The following C3orf70 variants were observed in gnomAD, a reference collection of about 807,000 sequenced individuals.
The protein encoded by C3orf70 is chromosome 3 open reading frame 70.
A neutral mutation model predicts 20.7 loss-of-function variants in C3orf70; 15 were observed. The ratio of observed to expected loss-of-function variants is 0.72; its 90% CI spans 0.48 to 1.11. The LOEUF is 1.11. C3orf70 is among the 50% of genes most tolerant of loss of function. The probability of loss-of-function intolerance (pLI) is 0.00; values close to 1 mark genes in which losing one functional copy is unlikely to be tolerated. For missense variants in C3orf70, 332 were observed against 317.6 expected, an observed-to-expected ratio of 1.05 and a Z score of -0.34; for synonymous variants, 161 against 125.7, an observed-to-expected ratio of 1.28 and a Z score of -1.88.
At chr3:185,119,746 C>T (rs1005260917) in intron 1 of C3orf70, among the ~76,000 whole-genome samples, 10 of 151,796 alleles carry the variant, frequency 6.6e-5, no homozygotes, top group Non-Finnish European at 2.9e-5. Context: ...TGAAAAAGGG[C>T]TGGGTGCGGT....
intron 1 of C3orf70, among the ~76,000 whole-genome samples, chr3:185,101,018 C>T (rs1424253297): frequency 1.3e-5 from 2 of 151,952 alleles, no homozygotes; most frequent in Non-Finnish European, 2.9e-5. Flanking sequence ...TAGTAACAAG[C>T]TCTGAAATTT....
At position 185,082,262 on chromosome 3, in the gene C3orf70, A is replaced by G. The variant is rs1038404698; in HGVS notation, c.*745T>C. On this transcript the variant is annotated 3_prime_UTR_variant, in exon 2 of 2. Coordinates refer to ENST00000335012, the MANE Select transcript of C3orf70 (RefSeq NM_001025266.3). ...CATATATAGGACTGTGGGCCCCTTC[A>G]TGGTGGGAATCAGGTCTTATTCATG... 1 of 152,176 alleles carries G rather than the reference A, an allele frequency of 6.6e-6. No homozygotes were observed. The highest frequency in any genetic ancestry group is 1.5e-5 in the Non-Finnish European group (1 of 68,060). 9.4% of individuals were successfully genotyped at this position (152,176 alleles called of 1,614,324 possible). A position where few individuals can be genotyped will look rare whatever the true frequency, so the allele number is the denominator to read the frequency against.
intron 1 of C3orf70, among the ~76,000 whole-genome samples, chr3:185,087,053 T>C (rs924482843): frequency 2.6e-5 from 4 of 150,962 alleles, no homozygotes; most frequent in Non-Finnish European, 5.9e-5. Flanking sequence ...TCCTGAATTA[T>C]CAGATTCAAT....
chr3:185,123,977 T>C (rs1468525621), intron 1 of C3orf70, among the ~76,000 whole-genome samples: 1 of 152,236 alleles, frequency 6.6e-6, no homozygotes, highest in East Asian at 1.9e-4. Flanking sequence ...TCAACAACTG[T>C]AGACTGAAAA....
chr3:185,095,224 G>A (rs1468097708), intron 1 of C3orf70, among the ~76,000 whole-genome samples: 3 of 152,186 alleles, frequency 2.0e-5, no homozygotes, highest in Admixed American at 6.5e-5. Context: ...TCACTAGTGC[G>A]TGGGTTGAGT....
At position 185,077,583 on chromosome 3, in the gene C3orf70, GTTCTT is replaced by G. The variant is rs1001744780; in HGVS notation, c.*5419_*5423del. 2.0e-5 allele frequency among the ~76,000 whole-genome samples: 3 copies of G among 152,114 alleles called. No individual in the cohort carries two copies. The highest frequency in any genetic ancestry group is 7.2e-5 in the African/African-American group (3 of 41,412). ...TCAATAGACTCCAACCCTTGAAGCTGTTCTTTTCTGAGTATGGACTTGCCGCGCTG... is the reference window on the plus strand; with the variant it reads ...TCAATAGACTCCAACCCTTGAAGCTGTTCTGAGTATGGACTTGCCGCGCTG... On this transcript the variant is annotated 3_prime_UTR_variant, in exon 2 of 2. Transcript: ENST00000335012.
chr3:185,150,327 A>G (rs1295087541), intron 1 of C3orf70, among the ~76,000 whole-genome samples: 1 of 152,228 alleles, frequency 6.6e-6, no homozygotes, highest in Non-Finnish European at 1.5e-5. Context: ...CATGTACTGT[A>G]CTACTGTTGG....
At chr3:185,120,033 A>AAAAAAAAAAAAAAAGAAAAAGAAAG (rs55921240) in intron 1 of C3orf70, among the ~76,000 whole-genome samples, 26 of 100,750 alleles carry the variant, frequency 2.6e-4, no homozygotes, top group Non-Finnish European at 3.6e-4. Context: ...AAAAAAAAAA[A>AAAAAAAAAAAAAAAGAAAAAGAAAG]AAAAAGAAAA....
intron 1 of C3orf70, among the ~76,000 whole-genome samples, chr3:185,091,955 ATATATATATTTTTTTTT>A (rs1715596963): frequency 4.3e-4 from 4 of 9,294 alleles, no homozygotes; most frequent in African/African-American, 2.3e-3. Flanking sequence ...ATATATATAT[ATATATATATTTTTTTTT>A]TTTTTTAGTA....
At position 185,091,912 on chromosome 3, in the gene C3orf70, CATATATATATATATATAT is replaced by C. The variant is rs869291177; in HGVS notation, c.197-8367_197-8350del. Among the ~76,000 whole-genome samples the C allele has an allele frequency of 1.4e-3, 49 of 35,882 alleles. 4 individuals are homozygous for C. In the East Asian group the frequency reaches 0.02, roughly 15 times the overall value. 23.5% of individuals were successfully genotyped at this position (35,882 alleles called of 152,430 possible). ...ATACACACATACACACACACACATA[CATATATATATATATATAT>C]ATATATATATATATATATATATATA... On this transcript the variant is annotated intron_variant, in intron 1 of 1. Coordinates refer to ENST00000335012, the MANE Select transcript of C3orf70 (RefSeq NM_001025266.3).
intron 1 of C3orf70, among the ~76,000 whole-genome samples, chr3:185,123,165 C>A (rs1577329260): frequency 1.7e-5 from 2 of 115,682 alleles, no homozygotes; most frequent in African/African-American, 7.0e-5. Flanking sequence ...GGTGACAGAC[C>A]GAGACTCCAT....
intron 1 of C3orf70, among the ~76,000 whole-genome samples, chr3:185,143,135 T>C (rs1716791541): frequency 6.6e-6 from 1 of 152,148 alleles, no homozygotes; most frequent in Non-Finnish European, 1.5e-5. Context: ...CATAGAAAAA[T>C]GTCCTCATTC....
intron 1 of C3orf70, among the ~76,000 whole-genome samples, chr3:185,112,860 T>C (rs1311267424): frequency 6.6e-6 from 1 of 152,208 alleles, no homozygotes; most frequent in East Asian, 1.9e-4. Context: ...TCTAAACTAA[T>C]TAATATTTTC....
chr3:185,119,285 T>A (rs1716243302), intron 1 of C3orf70, among the ~76,000 whole-genome samples: 1 of 152,076 alleles, frequency 6.6e-6, no homozygotes, highest in Admixed American at 6.6e-5. Context: ...TTAAGATGAG[T>A]ATGTTCTGGG....
intron 1 of C3orf70, among the ~76,000 whole-genome samples, chr3:185,117,450 C>CAG (rs1553920805): frequency 1.5e-5 from 1 of 67,320 alleles, no homozygotes; most frequent in Non-Finnish European, 2.7e-5. Flanking sequence ...CACACACACA[C>CAG]AGAAAGAGAG....
chr3:185,136,111 G>A (rs1055909865), intron 1 of C3orf70, among the ~76,000 whole-genome samples: 1 of 151,988 alleles, frequency 6.6e-6, no homozygotes, highest in Non-Finnish European at 1.5e-5. Context: ...TAAAAGGAAG[G>A]AAAAGATACA....
Position 185,081,115 on chromosome 3 carries a change from A to C in C3orf70, c.*1892T>G, listed in dbSNP as rs1213417761. ...CCAAATGGAGGCTTCAGGGGAGAAC[A>C]CAACTTTTTCTTACAAATCCGGCCG... is the stretch of plus-strand genomic sequence containing the variant. On this transcript the variant is annotated 3_prime_UTR_variant, in exon 2 of 2. Transcript: ENST00000335012. The C allele has an allele frequency of 6.6e-6, 1 of 152,180 alleles. No individual in the cohort carries two copies. Among genetic ancestry groups the C allele is most frequent in the Non-Finnish European group, 1.5e-5 (1 of 68,038 alleles). The allele number at this position is 152,180 out of a possible 1,614,324, so 9.4% of individuals were successfully genotyped here. A position where few individuals can be genotyped will look rare whatever the true frequency, so the allele number is the denominator to read the frequency against.
Position 185,091,947 on chromosome 3 carries a change from ATATATATATATATATATTTTTT to A in C3orf70, c.197-8406_197-8385del, listed in dbSNP as rs1426754908. On this transcript the variant is annotated intron_variant, in intron 1 of 1. Transcript: ENST00000335012. ...TATATATATATATATATATATATAT[ATATATATATATATATATTTTTT>A]TTTTTTTTTAGTAGAGACAGGGTTT... Among the ~76,000 whole-genome samples the A allele has an allele frequency of 1.3e-3, 19 of 14,102 alleles. 1 individual carries two copies. The highest frequency in any genetic ancestry group is 4.9e-3 in the East Asian group (2 of 410). The allele number at this position is 14,102 out of a possible 152,430, so 9.3% of individuals were successfully genotyped here.
intron 1 of C3orf70, among the ~76,000 whole-genome samples, chr3:185,129,567 T>A (rs1716487177): frequency 6.6e-6 from 1 of 152,190 alleles, no homozygotes; most frequent in Non-Finnish European, 1.5e-5. Context: ...TTCCTTTGGG[T>A]ATATACCCAA....
Sources: allele counts gnomAD v4.1 joint callset (sites outside exome capture counted in the v4.1 genomes callset), GRCh38; gene constraint gnomAD v4.1.1; transcripts MANE v1.5; gene names NCBI Gene and HGNC (gene_info 2026-07-23, HGNC 2026-07-21).